Variants in APOH observed in about 807,000 individuals in gnomAD.
APOH encodes beta-2-glycoprotein 1.
APOH carries 48 observed loss-of-function variants against 39.8 expected under a neutral mutation model. That is an observed-to-expected ratio of 1.21 (90% confidence interval 0.96 to 1.54). The LOEUF (loss-of-function observed/expected upper bound fraction) is 1.54. APOH is among the 40% of genes most tolerant of loss of function. The probability of loss-of-function intolerance (pLI) is 0.00; values close to 1 mark genes in which losing one functional copy is unlikely to be tolerated. For missense variants in APOH, 415 were observed against 421.2 expected (o/e 0.99, Z 0.13); for synonymous variants, 153 against 151.1 (o/e 1.01, Z -0.09).
At chr17:66,214,923 G>GAA (rs11322858) in intron 6 of APOH, among the ~76,000 whole-genome samples, 2 of 133,186 alleles carry the variant, frequency 1.5e-5, no homozygotes, top group Non-Finnish European at 1.6e-5. Flanking sequence ...CCATTTCAGT[G>GAA]AAAAAAAAAA....
At chr17:66,213,567 A>C (rs7208270) in intron 7 of APOH, among the ~76,000 whole-genome samples, 25,859 of 152,122 alleles carry the variant, frequency 0.17, 2,811 homozygotes, top group Non-Finnish European at 0.26. Context: ...TTCAAGCTCA[A>C]CTTGGAATTA....
intron 4 of APOH, 42 bp downstream of exon 4, chr17:66,223,656 G>C (rs192568694): frequency 6.3e-7 from 1 of 1,577,786 alleles, no homozygotes; most frequent in Non-Finnish European, 8.7e-7. Flanking sequence ...AAACCAGAAA[G>C]GTTCTGGGCA....
rs1409996632 is a variant in APOH at position 66,214,645 on chromosome 17, A to G, written c.790T>C (p.Cys264Arg). 6.2e-7 allele frequency: 1 copy of G among 1,610,558 alleles called. No homozygotes were observed. Among genetic ancestry groups the G allele is most frequent in the East Asian group, 2.2e-5 (1 of 44,820 alleles). The change falls in exon 7 of 8, where the codon TGT becomes CGT. Residue 264 changes from cysteine to arginine, a missense_variant. Physicochemically the swap from Cys to Arg is radical, Grantham distance 180. Coordinates refer to ENST00000205948, the MANE Select transcript of APOH (RefSeq NM_000042.3). ...WSAMPSCKAS[C>R]KVPVKKATVV... ...GTGGCTTTTTTCACAGGTACTTTAC[A>G]AGATGCTGAAAGAGAGAATACTTGT...
chr17:66,220,876 T>A, intron 4 of APOH, 134 bp from the exon 5 acceptor site: 1 of 951,430 alleles, frequency 1.1e-6, no homozygotes, highest in Non-Finnish European at 1.5e-6. Flanking sequence ...GGGTAAAAAT[T>A]GTCAATTGTG....
chr17:66,214,214 C>T (rs1252679748), intron 7 of APOH, among the ~76,000 whole-genome samples: 2 of 152,134 alleles, frequency 1.3e-5, no homozygotes, highest in Admixed American at 1.3e-4. Flanking sequence ...CACCCGGCAC[C>T]ACAGCAATTA....
At chr17:66,220,423 A>C (rs983407676) in intron 5 of APOH, 131 bp downstream of exon 5, 1 of 832,540 alleles carries the variant, frequency 1.2e-6, no homozygotes, top group African/African-American at 1.7e-5. Context: ...TGCCTGGCAC[A>C]TGGTAGATGC....
intron 4 of APOH, 112 bp downstream of exon 4, chr17:66,223,586 G>A: frequency 1.1e-6 from 1 of 894,378 alleles, no homozygotes; most frequent in Non-Finnish European, 1.8e-6. Context: ...CCACAAGGGT[G>A]ACCATTCATC....
chr17:66,226,037 C>G lies in APOH; in HGVS notation c.329G>C (p.Cys110Ser). 6.2e-7 allele frequency: 1 copy of G among 1,611,214 alleles called. No individual in the cohort carries two copies. Among genetic ancestry groups the G allele is most frequent in the Non-Finnish European group, 8.5e-7 (1 of 1,178,654 alleles). ...FEYPNTISFS[C>S]NTGFYLNGAD... The stretch of plus-strand genomic sequence containing the variant: ...CCATGAAAGTTCTTACCCAGTGTTA[C>G]AAGAAAAACTGATCGTGTTGGGATA... Residue 110 changes from cysteine (C) to serine (S), a missense_variant, in exon 3 of 8, where the codon TGT becomes TCT. Physicochemically the swap from Cys to Ser is moderately radical, Grantham distance 112. This residue lies in a region of APOH where 288 missense variants were observed against 284.9 expected (regional missense o/e 1.01). Transcript: ENST00000205948.
At position 66,222,704 on chromosome 17, in the gene APOH, T is replaced by C. The variant is rs376656127; in HGVS notation, c.415+994A>G. On this transcript the variant is annotated intron_variant, in intron 4 of 7. Coordinates refer to ENST00000205948, the MANE Select transcript of APOH (RefSeq NM_000042.3). ...CTCTTGCCTCAGCCTCCCAATTGGC[T>C]GGGATTAGAGGCATGCGCCACCATG... Among the ~76,000 whole-genome samples, 85 of 151,770 alleles carry C rather than the reference T, an allele frequency of 5.6e-4. 1 individual carries two copies. Among genetic ancestry groups the C allele is most frequent in the South Asian group, 4.8e-3 (23 of 4,804 alleles).
intron 5 of APOH, among the ~76,000 whole-genome samples, chr17:66,219,777 A>T (rs2215414): frequency 6.6e-6 from 1 of 151,982 alleles, no homozygotes; most frequent in Non-Finnish European, 1.5e-5. Context: ...AAATTAGCCA[A>T]GTATGGTGAC....
chr17:66,223,629 T>A, intron 4 of APOH, 69 bp downstream of exon 4: 1 of 1,335,334 alleles, frequency 7.5e-7, no homozygotes, highest in Non-Finnish European at 1.1e-6. Context: ...ATTCCAGATG[T>A]GAGACTTTGA....
chr17:66,225,923 C>A, intron 3 of APOH, 105 bp downstream of exon 3: 2 of 696,620 alleles, frequency 2.9e-6, no homozygotes, highest in Non-Finnish European at 2.3e-6. Flanking sequence ...TTTGAAAGTC[C>A]AACCTAAAGG....
rs201850755 is a variant in APOH at position 66,219,629 on chromosome 17, T to A, written c.604+925A>T. ...CTGGAGAAGTTAATAGTCACGAGAATAACTCTTGGCCAGGAGCAGTGGCTT... is the reference window on the plus strand; with the variant it reads ...CTGGAGAAGTTAATAGTCACGAGAAAAACTCTTGGCCAGGAGCAGTGGCTT... On this transcript the variant is annotated intron_variant, in intron 5 of 7. Coordinates refer to ENST00000205948, the MANE Select transcript of APOH (RefSeq NM_000042.3). 2.6e-5 allele frequency among the ~76,000 whole-genome samples: 4 copies of A among 152,148 alleles called. No individual in the cohort carries two copies. The East Asian group carries it at 7.7e-4, about 29-fold the overall frequency.
At chr17:66,228,680 G>A (rs2073454535) in intron 1 of APOH, 2 of 152,962 alleles carry the variant, frequency 1.3e-5, no homozygotes, top group Non-Finnish European at 1.5e-5. Context: ...GGGCGCCTGT[G>A]GTCCCAGCTA....
intron 1 of APOH, among the ~76,000 whole-genome samples, chr17:66,228,982 GC>G (rs2073456709): frequency 6.6e-6 from 1 of 151,756 alleles, no homozygotes; most frequent in African/African-American, 2.4e-5. Context: ...ACAGGCGCCT[GC>G]CATCACGCCC....
At chr17:66,227,577 A>C (rs538585439) in intron 2 of APOH, among the ~76,000 whole-genome samples, 1 of 152,290 alleles carries the variant, frequency 6.6e-6, no homozygotes, top group Non-Finnish European at 1.5e-5. Flanking sequence ...TTATAATATA[A>C]TATATACATA....
chr17:66,222,161 T>C (rs546068637), intron 4 of APOH, among the ~76,000 whole-genome samples: 4 of 152,246 alleles, frequency 2.6e-5, no homozygotes, highest in African/African-American at 9.6e-5. Flanking sequence ...CTGAGGCAGG[T>C]AAGGTTGCTT....
chr17:66,220,622 G>A lies in APOH; in HGVS notation c.536C>T (p.Ala179Val), dbSNP rs370127451. 1.4e-5 allele frequency: 22 copies of A among 1,614,040 alleles called. No individual in the cohort carries two copies. The Admixed American group carries it at 1.5e-4, about 11-fold the overall frequency. ...GGTAATTGTATCATTTCCAAACATC[G>A]CATGTTGTGGCAAACATTCAAAAAC... ...TAVFECLPQH[A>V]MFGNDTITCT... The change falls in exon 5 of 8, where the codon GCG becomes GTG. Residue 179 changes from alanine (A) to valine (V), a missense_variant. Around this residue, in one of 3 missense-constraint regions of APOH, gnomAD observed 288 missense variants for 284.9 expected, o/e 1.01. Coordinates refer to ENST00000205948, the MANE Select transcript of APOH (RefSeq NM_000042.3).
chr17:66,223,575 C>A (rs560412539), intron 4 of APOH, 123 bp downstream of exon 4: 9 of 806,380 alleles, frequency 1.1e-5, no homozygotes, highest in Non-Finnish European at 1.8e-5. Flanking sequence ...ATGAATATCC[C>A]CCACAAGGGT....
Sources: gnomAD v4.1 joint callset for allele counts (sites outside exome capture counted in the v4.1 genomes callset) on GRCh38, gnomAD v4.1.1 for gene constraint, gnomAD v4.1.1 regional missense constraint, MANE v1.5 for transcripts, NCBI Gene and HGNC (gene_info 2026-07-23, HGNC 2026-07-21) for gene names.